Variants in GRID1 observed in about 807,000 individuals in gnomAD.
GRID1 encodes the protein glutamate ionotropic receptor delta type subunit 1.
GRID1 carries 28 observed loss-of-function variants against 98.0 expected under a neutral mutation model. The observed-to-expected ratio is 0.29, with a 90% CI of 0.21 to 0.39. The LOEUF (loss-of-function observed/expected upper bound fraction) is 0.39. Ranked by LOEUF, GRID1 falls within the 10% of genes least tolerant of loss-of-function variation. GRID1 has a pLI of 1.00. For missense variants in GRID1, 1,111 were observed against 1,340.5 expected (o/e 0.83, Z 2.67); for synonymous variants, 553 against 538.5 (o/e 1.03, Z -0.37).
intron 12 of GRID1, among the ~76,000 whole-genome samples, chr10:85,711,199 CA>C (rs1488327609): frequency 6.6e-6 from 1 of 151,912 alleles, no homozygotes; most frequent in African/African-American, 2.4e-5. Context: ...GCAGTATTTA[CA>C]ACAGCTAAAA....
chr10:85,837,489 C>A (rs1336266611), intron 8 of GRID1, among the ~76,000 whole-genome samples: 3 of 152,244 alleles, frequency 2.0e-5, no homozygotes, highest in African/African-American at 7.2e-5. Flanking sequence ...AAGTTGGGGC[C>A]CAATACAAGT....
At chr10:86,092,357 C>A (rs1300381757) in intron 4 of GRID1, among the ~76,000 whole-genome samples, 1 of 152,106 alleles carries the variant, frequency 6.6e-6, no homozygotes, top group Non-Finnish European at 1.5e-5. Context: ...AGCAATAGAA[C>A]TGAAAAAGTA....
At chr10:86,218,176 G>A (rs1375505994) in intron 2 of GRID1, among the ~76,000 whole-genome samples, 4 of 152,072 alleles carry the variant, frequency 2.6e-5, no homozygotes, top group South Asian at 2.1e-4. Flanking sequence ...GCTTGTGCGC[G>A]TGTGTGTGTG....
At chr10:86,194,172 AGCCGCTCT>A (rs1845842515) in intron 3 of GRID1, among the ~76,000 whole-genome samples, 1 of 152,092 alleles carries the variant, frequency 6.6e-6, no homozygotes, top group African/African-American at 2.4e-5. Context: ...CCTGCAGCCC[AGCCGCTCT>A]GCTTTCTAGC....
chr10:86,169,270 T>C (rs574439114), intron 3 of GRID1, among the ~76,000 whole-genome samples: 104 of 152,322 alleles, frequency 6.8e-4, no homozygotes, highest in African/African-American at 2.5e-3. Flanking sequence ...ATGAGGCAAG[T>C]ACTGTTGAGC....
At chr10:85,860,562 T>G (rs189034279) in intron 6 of GRID1, among the ~76,000 whole-genome samples, 20 of 152,268 alleles carry the variant, frequency 1.3e-4, no homozygotes, top group Admixed American at 1.3e-3. Flanking sequence ...ACTGGATGGT[T>G]TCATTTAGCC....
intron 2 of GRID1, among the ~76,000 whole-genome samples, chr10:86,321,539 G>A (rs1300545990): frequency 6.6e-6 from 1 of 152,208 alleles, no homozygotes; most frequent in African/African-American, 2.4e-5. Flanking sequence ...AAGGCAGAAG[G>A]TTGATGGGTT....
intron 7 of GRID1, among the ~76,000 whole-genome samples, 173 bp from the exon 8 acceptor site, chr10:85,854,788 G>A (rs1227464464): frequency 1.3e-5 from 2 of 152,194 alleles, no homozygotes; most frequent in African/African-American, 4.8e-5. Context: ...CTCAGAGCAG[G>A]ATCAGTACTT....
rs561349900 is a variant in GRID1 at position 86,366,722 on chromosome 10, G to A, written c.-330C>T. On this transcript the variant is annotated 5_prime_UTR_variant, in exon 1 of 16. Transcript: ENST00000327946. This position sits in a 1 kb window ranked among gnomAD's most constrained non-coding sequence, Gnocchi z 4.1. The stretch of plus-strand genomic sequence containing the variant: ...GAGCGGCTTCGGGGGAGGCTGAGGC[G>A]GTGGCGGCGGCGGCCGGGCCGGCGT... Among the ~76,000 whole-genome samples, 1,216 of 150,120 alleles carry A rather than the reference G, an allele frequency of 8.1e-3. 14 individuals carry two copies. Among genetic ancestry groups the A allele is most frequent in the South Asian group, 0.02 (95 of 4,818 alleles).
At chr10:85,960,693 A>G (rs7910835) in intron 4 of GRID1, among the ~76,000 whole-genome samples, 18,646 of 152,158 alleles carry the variant, frequency 0.12, 1,297 homozygotes, top group Admixed American at 0.22. Context: ...TGCATTAACA[A>G]TTGCCGCTAC....
intron 8 of GRID1, among the ~76,000 whole-genome samples, chr10:85,738,293 A>G (rs977884326): frequency 1.3e-5 from 2 of 152,240 alleles, no homozygotes; most frequent in Non-Finnish European, 2.9e-5. Flanking sequence ...TACATGCTCC[A>G]TATCATGAGT....
At position 86,283,895 on chromosome 10, in the gene GRID1, C is replaced by T. The variant is rs555160050; in HGVS notation, c.236-77247G>A. Among the ~76,000 whole-genome samples the T allele has an allele frequency of 2.0e-5, 3 of 151,644 alleles. No homozygotes were observed. The East Asian group carries it at 5.8e-4, about 30-fold the overall frequency. Reference sequence around the variant, plus strand: ...CTGCACATACACACCTGCCCTCACACACCTGTATATACACACCTGCCCTCA... The same window carrying T: ...CTGCACATACACACCTGCCCTCACATACCTGTATATACACACCTGCCCTCA... On this transcript the variant is annotated intron_variant, in intron 2 of 15. Coordinates refer to ENST00000327946, the MANE Select transcript of GRID1 (RefSeq NM_017551.3).
rs1243143681 is a variant in GRID1 at position 85,854,502 on chromosome 10, C to A, written c.1227G>T (p.Met409Ile). The stretch of plus-strand genomic sequence containing the variant: ...CAGGGAGCCTGAGGCTTACCTTGCG[C>A]ATGTCTTTGCCAAAAGTCTCACTAT... ...TTYSETFGKD[M>I]RKLATWDSEK... Residue 409 changes from methionine (M) to isoleucine (I), a missense_variant, in exon 8 of 16, where the codon ATG becomes ATT. Coordinates refer to ENST00000327946, the MANE Select transcript of GRID1 (RefSeq NM_017551.3). The A allele has an allele frequency of 6.2e-7, 1 of 1,613,878 alleles. No individual in the cohort carries two copies. The highest frequency in any genetic ancestry group is 1.7e-5 in the Admixed American group (1 of 60,018).
rs1355533892 is a variant in GRID1 at position 85,602,501 on chromosome 10, C to G, written c.2802G>C (p.Gln934His). 2 of 1,614,168 alleles carry G rather than the reference C, an allele frequency of 1.2e-6. No homozygotes were observed. The highest frequency in any genetic ancestry group is 1.7e-6 in the Non-Finnish European group (2 of 1,180,050). The stretch of plus-strand genomic sequence containing the variant: ...GTGTCCGGCTGGTGCCATGGCTGCT[C>G]TGCTCTGGCAGAAAGGTGCTGACCG... ...QLSVSTFLPEQSSHGTSRTLS... is the reference protein window; with the variant it reads ...QLSVSTFLPEHSSHGTSRTLS... The change falls in exon 16 of 16, where the codon CAG becomes CAC. Residue 934 changes from glutamine to histidine, a missense_variant. Gln to His is a conservative substitution (Grantham distance 24). This residue lies in a region of GRID1 where 762 missense variants were observed against 869.1 expected (regional missense o/e 0.88). Coordinates refer to ENST00000327946, the MANE Select transcript of GRID1 (RefSeq NM_017551.3).
intron 8 of GRID1, among the ~76,000 whole-genome samples, chr10:85,808,662 A>C (rs1031223663): frequency 6.6e-6 from 1 of 152,222 alleles, no homozygotes; most frequent in African/African-American, 2.4e-5. Flanking sequence ...GGAAAAGGCT[A>C]AAATAGAATC....
chr10:86,109,560 C>G (rs1174246159), intron 4 of GRID1, among the ~76,000 whole-genome samples: 2 of 152,230 alleles, frequency 1.3e-5, no homozygotes, highest in East Asian at 3.8e-4. Flanking sequence ...TGCCAGGTTG[C>G]CACTGCAGGC....
chr10:85,623,631 C>T (rs1215643005), intron 13 of GRID1, among the ~76,000 whole-genome samples: 1 of 152,140 alleles, frequency 6.6e-6, no homozygotes, highest in African/African-American at 2.4e-5. Flanking sequence ...CAAGTTCACC[C>T]TCCTCCTTCC....
intron 3 of GRID1, among the ~76,000 whole-genome samples, chr10:86,190,525 C>A (rs992286187): frequency 3.3e-5 from 5 of 152,218 alleles, no homozygotes; most frequent in African/African-American, 1.2e-4. Context: ...GTGGCAGTAG[C>A]CAAGACCTGG....
At position 86,272,971 on chromosome 10, in the gene GRID1, C is replaced by T. The variant is rs536851037; in HGVS notation, c.236-66323G>A. ...TACATGTGCACAATGTGCAGGTTAG[C>T]TACATATGTATACATGTGACATGCT... On this transcript the variant is annotated intron_variant, in intron 2 of 15. Transcript: ENST00000327946. 2.3e-3 allele frequency among the ~76,000 whole-genome samples: 357 copies of T among 152,162 alleles called. 3 individuals carry two copies. Among genetic ancestry groups the T allele is most frequent in the African/African-American group, 8.2e-3 (342 of 41,524 alleles).
Sources: allele counts gnomAD v4.1 joint callset (sites outside exome capture counted in the v4.1 genomes callset), GRCh38; gene constraint gnomAD v4.1.1; regional missense constraint gnomAD v4.1.1; non-coding constraint Gnocchi (gnomAD v3.1); transcripts MANE v1.5; gene names NCBI Gene and HGNC (gene_info 2026-07-23, HGNC 2026-07-21).